Variants in MOB4 observed in about 807,000 individuals in gnomAD.
The protein encoded by MOB4 is MOB-like protein phocein.
A neutral mutation model predicts 32.2 loss-of-function variants in MOB4; 4 were observed. That is an observed-to-expected ratio of 0.12 (90% CI 0.06 to 0.28). The LOEUF is 0.28. Among genes scored for constraint, MOB4 ranks in the 10% least tolerant of loss-of-function variants. The pLI is 1.00. For missense variants in MOB4, 158 were observed against 271.2 expected, an observed-to-expected ratio of 0.58 and a Z score of 2.93; for synonymous variants, 88 against 88.1, an observed-to-expected ratio of 1.00 and a Z score of 0.01.
At chr2:197,538,643 T>C (rs1399074687) in intron 3 of MOB4, among the ~76,000 whole-genome samples, 2 of 152,220 alleles carry the variant, frequency 1.3e-5, no homozygotes, top group African/African-American at 4.8e-5. Flanking sequence ...ACTGTGTACA[T>C]GTTAGCCCTG....
At chr2:197,534,938 C>T (rs1216035814) in intron 2 of MOB4, among the ~76,000 whole-genome samples, 1 of 152,204 alleles carries the variant, frequency 6.6e-6, no homozygotes, top group African/African-American at 2.4e-5. Flanking sequence ...TCAAGCCCTA[C>T]ACCAGTACAA....
At chr2:197,516,600 A>G (rs1221619412) in intron 1 of MOB4, 6 of 475,932 alleles carry the variant, frequency 1.3e-5, no homozygotes, top group South Asian at 9.3e-5. Context: ...CTGGCCTGGG[A>G]AGTACCTACC....
chr2:197,525,285 C>T (rs34631382), intron 2 of MOB4, among the ~76,000 whole-genome samples: 100,398 of 150,422 alleles, frequency 0.67, 33,760 homozygotes, highest in Middle Eastern at 0.85. Flanking sequence ...GGCAGTGAGC[C>T]TGCAGTGAGC....
intron 2 of MOB4, among the ~76,000 whole-genome samples, chr2:197,532,302 T>G (rs936765686): frequency 4.8e-4 from 73 of 152,220 alleles, no homozygotes; most frequent in African/African-American, 1.8e-3. Flanking sequence ...TTCTTCAAGA[T>G]TGACAGCTTG....
At chr2:197,538,901 G>T (rs2086848835) in intron 3 of MOB4, among the ~76,000 whole-genome samples, 1 of 152,156 alleles carries the variant, frequency 6.6e-6, no homozygotes, top group African/African-American at 2.4e-5. Flanking sequence ...TCTAAGGACA[G>T]CATTATTAGG....
intron 1 of MOB4, among the ~76,000 whole-genome samples, chr2:197,521,707 A>G (rs1048660152): frequency 1.3e-5 from 2 of 152,052 alleles, no homozygotes. Context: ...ATTCAGCGAT[A>G]TTTCTCCCAT....
chr2:197,550,427 G>A (rs2087077778), intron 7 of MOB4, 41 bp downstream of exon 7: 1 of 1,602,738 alleles, frequency 6.2e-7, no homozygotes, highest in East Asian at 2.2e-5. Flanking sequence ...ATTCTTATCA[G>A]TGTAACAGTA....
intron 1 of MOB4, among the ~76,000 whole-genome samples, chr2:197,523,373 A>G (rs1287019259): frequency 6.6e-6 from 1 of 152,240 alleles, no homozygotes; most frequent in African/African-American, 2.4e-5. Context: ...AGGTGGGATG[A>G]TTGCTTACAC....
chr2:197,525,240 G>C (rs1365289353), intron 2 of MOB4, among the ~76,000 whole-genome samples: 1 of 145,592 alleles, frequency 6.9e-6, no homozygotes, highest in Non-Finnish European at 1.5e-5. Flanking sequence ...CCAGCTACTC[G>C]GGGGCTGAGG....
At chr2:197,516,186 C>T in intron 1 of MOB4, 40 bp downstream of exon 1, 1 of 1,570,552 alleles carries the variant, frequency 6.4e-7, no homozygotes, top group Non-Finnish European at 8.6e-7. Flanking sequence ...AACTAGGTGC[C>T]GAGCAGTGCT....
intron 2 of MOB4, among the ~76,000 whole-genome samples, chr2:197,530,023 G>C (rs1206561215): frequency 6.6e-6 from 1 of 151,770 alleles, no homozygotes; most frequent in Non-Finnish European, 1.5e-5. Context: ...AGGCTGGAGT[G>C]CAGTGGCGCG....
chr2:197,535,223 A>C (rs903782947), intron 2 of MOB4, among the ~76,000 whole-genome samples: 6 of 117,038 alleles, frequency 5.1e-5, no homozygotes, highest in Non-Finnish European at 1.0e-4. Flanking sequence ...ACCCTGTTTC[A>C]AAAAAAAAAA....
At chr2:197,548,796 C>T (rs2087043199) in intron 6 of MOB4, among the ~76,000 whole-genome samples, 1 of 152,192 alleles carries the variant, frequency 6.6e-6, no homozygotes. Context: ...CCAGTTCAGT[C>T]TAAGGCTAGT....
At chr2:197,541,060 C>T (rs892167307) in intron 5 of MOB4, among the ~76,000 whole-genome samples, 16 of 151,622 alleles carry the variant, frequency 1.1e-4, no homozygotes, top group African/African-American at 3.6e-4. Flanking sequence ...GCTATCATGC[C>T]GGGCTAATTT....
At chr2:197,539,708 A>G (rs1467471186) in intron 3 of MOB4, among the ~76,000 whole-genome samples, 3 of 152,148 alleles carry the variant, frequency 2.0e-5, no homozygotes, top group East Asian at 1.9e-4. Flanking sequence ...TCATATGCAT[A>G]TATAGCTCCT....
intron 6 of MOB4, among the ~76,000 whole-genome samples, chr2:197,549,630 A>C (rs1338614360): frequency 6.6e-6 from 1 of 152,048 alleles, no homozygotes; most frequent in Non-Finnish European, 1.5e-5. Context: ...GCTCACTGCA[A>C]CCTCTGCCTC....
rs539255292 is a variant in MOB4, at chr2:197,544,520, A to G, written c.355-3816A>G. On this transcript the variant is annotated intron_variant, in intron 5 of 7. Transcript: ENST00000323303. ...TGTAATTCCAGCACTTGGGGAGGCC[A>G]AGGCGGGCGGATCACGAGGTCAGGA... is the stretch of plus-strand genomic sequence containing the variant. Among the ~76,000 whole-genome samples the G allele has an allele frequency of 7.0e-4, 106 of 152,238 alleles. 1 individual carries two copies. The highest frequency in any genetic ancestry group is 2.2e-3 in the African/African-American group (90 of 41,562).
chr2:197,519,212 A>G (rs1559312908), intron 1 of MOB4, among the ~76,000 whole-genome samples: 2 of 152,200 alleles, frequency 1.3e-5, no homozygotes, highest in South Asian at 2.1e-4. Context: ...TTGGTTTTCA[A>G]TAAATGTTTG....
chr2:197,515,902 T>C, upstream of MOB4: 1 of 593,866 alleles, frequency 1.7e-6, no homozygotes, highest in Non-Finnish European at 2.9e-6. Context: ...CGTCCGGCTG[T>C]TCCTCGTTCG....
Sources: allele counts gnomAD v4.1 joint callset (sites outside exome capture counted in the v4.1 genomes callset), GRCh38; gene constraint gnomAD v4.1.1; transcripts MANE v1.5; gene names NCBI Gene and HGNC (gene_info 2026-07-23, HGNC 2026-07-21).